Variants in ATP6V0A2 observed in about 807,000 individuals in gnomAD.
ATP6V0A2 encodes V-type proton ATPase 116 kDa subunit a 2.
A neutral mutation model predicts 104.4 loss-of-function variants in ATP6V0A2; 58 were observed. The observed-to-expected ratio is 0.56, with a 90% CI of 0.45 to 0.69. The LOEUF (loss-of-function observed/expected upper bound fraction) is 0.69, where lower values mean the gene tolerates loss of function less well. Among genes scored for constraint, ATP6V0A2 ranks in the 30% least tolerant of loss-of-function variants. ATP6V0A2 has a pLI of 0.00. For missense variants in ATP6V0A2, 938 were observed against 1,062.9 expected (o/e 0.88, Z 1.63); for synonymous variants, 376 against 397.9 (o/e 0.95, Z 0.65).
At chr12:123,741,753 C>T (rs1956611579) in intron 9 of ATP6V0A2, among the ~76,000 whole-genome samples, 1 of 152,102 alleles carries the variant, frequency 6.6e-6, no homozygotes, top group African/African-American at 2.4e-5. Flanking sequence ...CATGAGCCAC[C>T]ATGCCTGTCC....
chr12:123,749,529 C>A (rs1956694792), intron 15 of ATP6V0A2, among the ~76,000 whole-genome samples: 1 of 152,234 alleles, frequency 6.6e-6, no homozygotes, highest in African/African-American at 2.4e-5. Context: ...AGATGACTAA[C>A]TTCTCTCTGC....
rs762202627 is a variant in ATP6V0A2, at chr12:123,757,953, T to C, written c.2492T>C (p.Val831Ala). The change falls in exon 20 of 20, where the codon GTT becomes GCT. Residue 831 changes from valine (V) to alanine (A), a missense_variant. Val to Ala is a moderately conservative substitution (Grantham distance 64, BLOSUM62 0). Transcript: ENST00000330342. ...GTAGAATTTCAGAACAAATTCTACG[T>C]TGGTGCAGGCACCAAATTTGTTCCT... ...HWVEFQNKFYVGAGTKFVPFS... is the reference protein window; with the variant it reads ...HWVEFQNKFYAGAGTKFVPFS... 5 of 1,609,306 alleles carry C rather than the reference T, an allele frequency of 3.1e-6. 1 individual carries two copies. The South Asian group carries it at 5.6e-5, about 18-fold the overall frequency.
intron 5 of ATP6V0A2, 58 bp downstream of exon 5, chr12:123,726,343 T>C: frequency 8.2e-7 from 1 of 1,225,462 alleles, no homozygotes; most frequent in East Asian, 2.3e-5. Context: ...AAAAGGCAGA[T>C]GAGCTCCATA....
In ATP6V0A2 at chr12:123,745,060, C is replaced by G. The variant is rs1441214661; in HGVS notation, c.1605+88C>G. 3.8e-6 allele frequency: 5 copies of G among 1,315,274 alleles called. No homozygotes were observed. In the Admixed American group the frequency reaches 5.2e-5, roughly 14 times the overall value. The allele number at this position is 1,315,274 out of a possible 1,614,324, so 81.5% of individuals were successfully genotyped here. ...CCACGAGTTTCTCTAGACTGTTGAG[C>G]AGGGTTCACGCTGCCCTGAGCGGGA... On this transcript the variant is annotated intron_variant, in intron 13 of 19. Coordinates refer to ENST00000330342, the MANE Select transcript of ATP6V0A2 (RefSeq NM_012463.4).
chr12:123,740,107 G>T (rs1235697362), intron 9 of ATP6V0A2, among the ~76,000 whole-genome samples: 2 of 151,916 alleles, frequency 1.3e-5, no homozygotes, highest in Admixed American at 6.6e-5. Flanking sequence ...AGGCTGCATT[G>T]CACTCCAGCC....
At chr12:123,737,507 C>T in intron 9 of ATP6V0A2, 1 of 494,758 alleles carries the variant, frequency 2.0e-6, no homozygotes, top group South Asian at 2.0e-5. Context: ...CCTCAGCCTC[C>T]CAAAGTGCTG....
rs1263995851 is a variant in ATP6V0A2 at position 123,732,583 on chromosome 12, G to A, written c.649-1343G>A. On this transcript the variant is annotated intron_variant, in intron 6 of 19. Coordinates refer to ENST00000330342, the MANE Select transcript of ATP6V0A2 (RefSeq NM_012463.4). ...TGCTTCTGTGTGTACTCCTCTGCTT[G>A]GAAGTCTCTTCTCCCAGTGGCCATG... 2.6e-5 allele frequency: 4 copies of A among 151,626 alleles called. No homozygotes were observed. In the South Asian group the frequency reaches 6.3e-4, roughly 24 times the overall value. The allele number at this position is 151,626 out of a possible 1,614,324, so 9.4% of individuals were successfully genotyped here.
In ATP6V0A2 at chr12:123,761,407, G is replaced by A. The variant is rs1250444882; in HGVS notation, c.*3375G>A. The A allele has an allele frequency of 1.3e-5, 2 of 152,232 alleles. No individual in the cohort carries two copies. The highest frequency in any genetic ancestry group is 2.9e-5 in the Non-Finnish European group (2 of 68,048). The allele number at this position is 152,232 out of a possible 1,614,324, so 9.4% of individuals were successfully genotyped here. A position where few individuals can be genotyped will look rare whatever the true frequency, so the allele number is the denominator to read the frequency against. ...AAGCCGGGTTTGCTTGCGTGCCACA[G>A]GGAATATATCCAGGAAGGTTATTAT... On this transcript the variant is annotated 3_prime_UTR_variant, in exon 20 of 20. Transcript: ENST00000330342.
intron 7 of ATP6V0A2, among the ~76,000 whole-genome samples, chr12:123,734,395 G>T (rs1003917192): frequency 1.1e-4 from 16 of 152,178 alleles, no homozygotes; most frequent in African/African-American, 3.9e-4. Flanking sequence ...CAGGGGTGTG[G>T]CGTGTGGTGA....
rs762001622 is a variant in ATP6V0A2 at position 123,744,330 on chromosome 12, C to G, written c.1319C>G (p.Ser440Ter). Residue 440 changes from serine (S) to a stop codon, truncating the protein, a stop_gained, in exon 11 of 20, where the codon TCA becomes TGA. Transcript: ENST00000330342. LOFTEE classifies it high-confidence loss of function. This position sits in a 1 kb window ranked among gnomAD's most constrained non-coding sequence, Gnocchi z 5.4. ...GAAAATCATCCCAGACTAAATCAGT[C>G]ACAAGAGGTAAAAATATAAACACTC... ...LNENHPRLNQ[S>*]QEIMRMFFNG... The G allele has an allele frequency of 6.2e-7, 1 of 1,614,102 alleles. No individual in the cohort carries two copies. The highest frequency in any genetic ancestry group is 1.7e-5 in the Admixed American group (1 of 60,010).
intron 15 of ATP6V0A2, 37 bp downstream of exon 15, chr12:123,748,822 G>T: frequency 6.4e-7 from 1 of 1,561,910 alleles, no homozygotes; most frequent in South Asian, 1.1e-5. Context: ...CTTAACGGAA[G>T]TATTCCCAAT....
At chr12:123,716,022 T>C (rs1956335531) in intron 1 of ATP6V0A2, among the ~76,000 whole-genome samples, 1 of 152,204 alleles carries the variant, frequency 6.6e-6, no homozygotes, top group East Asian at 1.9e-4. Context: ...AAATCCAAGA[T>C]ATATAATTTA....
At chr12:123,740,950 A>AT (rs954407743) in intron 9 of ATP6V0A2, among the ~76,000 whole-genome samples, 58 of 144,840 alleles carry the variant, frequency 4.0e-4, no homozygotes, top group Admixed American at 1.1e-3. Flanking sequence ...CCTGTCCTGT[A>AT]TTTTTTTTTT....
In ATP6V0A2 at chr12:123,757,031, C is replaced by T. The variant is rs752146663; in HGVS notation, c.2465+45C>T. 1.4e-5 allele frequency: 22 copies of T among 1,604,770 alleles called. No homozygotes were observed. In the South Asian group the frequency reaches 2.4e-4, roughly 18 times the overall value. ...TTGGAGCTGTTATTTAAAAAACATA[C>T]CCGCCCCCCCACTGCCCCGCCCAAC... is the stretch of plus-strand genomic sequence containing the variant. On this transcript the variant is annotated intron_variant, in intron 19 of 19. Coordinates refer to ENST00000330342, the MANE Select transcript of ATP6V0A2 (RefSeq NM_012463.4).
At chr12:123,746,780 C>A (rs112751206) in intron 13 of ATP6V0A2, among the ~76,000 whole-genome samples, 14 of 151,982 alleles carry the variant, frequency 9.2e-5, no homozygotes, top group Non-Finnish European at 1.9e-4. Context: ...AACCCTTTCT[C>A]TACTAAAAAT....
At chr12:123,752,145 C>A in intron 16 of ATP6V0A2, 138 bp from the exon 17 acceptor site, 1 of 1,062,890 alleles carries the variant, frequency 9.4e-7, no homozygotes, top group Non-Finnish European at 1.4e-6. Context: ...CAGGTGTGAG[C>A]CACTGTGCCT....
rs373099643 is a variant in ATP6V0A2 at position 123,712,692 on chromosome 12, G to A, written c.117+10G>A. 49 of 1,604,990 alleles carry A rather than the reference G, an allele frequency of 3.1e-5. No homozygotes were observed. The East Asian group carries it at 4.9e-4, about 16-fold the overall frequency. On this transcript the variant is annotated intron_variant, in intron 1 of 19. Coordinates refer to ENST00000330342, the MANE Select transcript of ATP6V0A2 (RefSeq NM_012463.4). ...GGTCCAGTTCCGAGACGTGAGTGTC[G>A]CCCGGGAGACGCGGGCCGCACCTGC... is the stretch of plus-strand genomic sequence containing the variant.
chr12:123,756,896 C>T lies in ATP6V0A2; in HGVS notation c.2375C>T (p.Pro792Leu), dbSNP rs753070826. Residue 792 changes from proline (P) to leucine (L), a missense_variant, in exon 19 of 20, where the codon CCG becomes CTG. By Grantham distance (98) the Pro-to-Leu change is moderately conservative. Coordinates refer to ENST00000330342, the MANE Select transcript of ATP6V0A2 (RefSeq NM_012463.4). ...DTTYGVLLLL[P>L]VIALFAVLTI... ...ACCTATGGCGTCTTGCTACTGCTCCCGGTTATCGCGCTCTTTGCAGTTTTG... is the reference window on the plus strand; with the variant it reads ...ACCTATGGCGTCTTGCTACTGCTCCTGGTTATCGCGCTCTTTGCAGTTTTG... The T allele has an allele frequency of 1.1e-5, 17 of 1,614,102 alleles. No individual in the cohort carries two copies. Among genetic ancestry groups the T allele is most frequent in the South Asian group, 3.3e-5 (3 of 91,078 alleles).
intron 1 of ATP6V0A2, among the ~76,000 whole-genome samples, chr12:123,717,131 A>G (rs2135877176): frequency 6.6e-6 from 1 of 151,992 alleles, no homozygotes; most frequent in South Asian, 2.1e-4. Context: ...CCTGGCCAAC[A>G]TGGTGAAACC....
Sources: allele counts gnomAD v4.1 joint callset (sites outside exome capture counted in the v4.1 genomes callset), GRCh38; gene constraint gnomAD v4.1.1; non-coding constraint Gnocchi (gnomAD v3.1); transcripts MANE v1.5; gene names NCBI Gene and HGNC (gene_info 2026-07-23, HGNC 2026-07-21).